The following B3GALNT2 variants were observed in gnomAD, a reference collection of about 807,000 sequenced individuals.
B3GALNT2 encodes UDP-GalNAc:beta-1,3-N-acetylgalactosaminyltransferase 2.
A neutral mutation model predicts 61.1 loss-of-function variants in B3GALNT2; 53 were observed. The observed-to-expected ratio is 0.87, with a 90% CI of 0.70 to 1.09. The LOEUF is 1.09. Among genes scored for constraint, B3GALNT2 ranks in the 50% least tolerant of loss-of-function variants. The pLI, the probability that B3GALNT2 is intolerant of heterozygous loss-of-function variation, is 0.00. For synonymous variants in B3GALNT2, 223 were observed against 237.4 expected (o/e 0.94, Z 0.56); for missense variants, 544 against 623.0 (o/e 0.87, Z 1.35).
At chr1:235,475,829 T>C (rs753246244) in intron 5 of B3GALNT2, among the ~76,000 whole-genome samples, 2 of 152,200 alleles carry the variant, frequency 1.3e-5, no homozygotes, top group East Asian at 3.9e-4. Flanking sequence ...TATTAAATAA[T>C]TGCTTGCTTT....
intron 5 of B3GALNT2, among the ~76,000 whole-genome samples, chr1:235,474,950 CATATATATATATATATATATAT>C (rs1159752267): frequency 7.6e-5 from 3 of 39,358 alleles, no homozygotes; most frequent in South Asian, 2.5e-3. Context: ...AAATTAGAGA[CATATATATATATATATATATAT>C]ATATATATAT....
intron 5 of B3GALNT2, chr1:235,478,908 C>A (rs186027945): frequency 1.3e-5 from 2 of 152,036 alleles, no homozygotes; most frequent in Non-Finnish European, 2.9e-5. Context: ...CCTTTTTTTC[C>A]ACCCCTGTTT....
At chr1:235,489,578 T>TA (rs547365649) in intron 2 of B3GALNT2, among the ~76,000 whole-genome samples, 108 of 152,332 alleles carry the variant, frequency 7.1e-4, no homozygotes, top group African/African-American at 2.4e-3. Context: ...CTCATGCCCA[T>TA]ACCTAAAAAC....
chr1:235,490,822 T>G (rs1369484844), intron 2 of B3GALNT2, among the ~76,000 whole-genome samples: 1 of 152,148 alleles, frequency 6.6e-6, no homozygotes, highest in Non-Finnish European at 1.5e-5. Flanking sequence ...TTATATTTAT[T>G]ACATCTACAT....
At chr1:235,461,580 T>C (rs1572495775) in intron 7 of B3GALNT2, among the ~76,000 whole-genome samples, 1 of 135,446 alleles carries the variant, frequency 7.4e-6, no homozygotes. Context: ...GCAGTAGCGC[T>C]ATCTCGGCTC....
At chr1:235,461,507 GTTTTTTTTTTTTT>G (rs57611133) in intron 7 of B3GALNT2, among the ~76,000 whole-genome samples, 5 of 63,352 alleles carry the variant, frequency 7.9e-5, no homozygotes, top group East Asian at 5.9e-4. Context: ...ATGACCTCCT[GTTTTTTTTTTTTT>G]TTTTTTTTTT....
intron 7 of B3GALNT2, among the ~76,000 whole-genome samples, chr1:235,460,116 T>TC (rs1683351495): frequency 6.8e-3 from 1 of 148 alleles, no homozygotes; most frequent in African/African-American, 0.028. Context: ...TTCTTTCCTC[T>TC]TTCTTTTTTG....
intron 2 of B3GALNT2, among the ~76,000 whole-genome samples, chr1:235,490,216 G>GA (rs1684998159): frequency 6.6e-6 from 1 of 152,050 alleles, no homozygotes; most frequent in South Asian, 2.1e-4. Flanking sequence ...AATGATTCCT[G>GA]AATTAGTAAC....
chr1:235,488,548 G>A (rs1403753624), intron 3 of B3GALNT2, among the ~76,000 whole-genome samples: 1 of 151,834 alleles, frequency 6.6e-6, no homozygotes, highest in Non-Finnish European at 1.5e-5. Flanking sequence ...CAGGCGCAGT[G>A]GTGGTAGCCT....
intron 5 of B3GALNT2, among the ~76,000 whole-genome samples, chr1:235,475,379 CAGTGAGCT>C (rs1006162030): frequency 4.6e-5 from 7 of 152,066 alleles, no homozygotes; most frequent in African/African-American, 1.7e-4. Flanking sequence ...ATTTATGCTT[CAGTGAGCT>C]ACACAATGAA....
chr1:235,453,716 C>T (rs1683037032), intron 10 of B3GALNT2, among the ~76,000 whole-genome samples: 1 of 152,050 alleles, frequency 6.6e-6, no homozygotes, highest in Non-Finnish European at 1.5e-5. Context: ...GAAAGTGCTA[C>T]AATTACAGGC....
chr1:235,461,953 C>G (rs1279758899), intron 7 of B3GALNT2, among the ~76,000 whole-genome samples: 4 of 152,200 alleles, frequency 2.6e-5, no homozygotes, highest in Non-Finnish European at 4.4e-5. Context: ...GATGTTCAAC[C>G]TTTATTATGG....
At chr1:235,480,190 T>G in intron 4 of B3GALNT2, 41 bp from the exon 5 acceptor site, 1 of 1,609,326 alleles carries the variant, frequency 6.2e-7, no homozygotes, top group Non-Finnish European at 8.5e-7. Flanking sequence ...ATACTTCATG[T>G]TATACATTGC....
chr1:235,498,672 C>T (rs1205193923), intron 1 of B3GALNT2, among the ~76,000 whole-genome samples: 3 of 151,822 alleles, frequency 2.0e-5, no homozygotes, highest in Non-Finnish European at 4.4e-5. Flanking sequence ...GAAACCTCAT[C>T]TCTATTAAAA....
At chr1:235,445,969 AACC>A (rs1433495431), downstream of B3GALNT2, among the ~76,000 whole-genome samples, 5 of 152,300 alleles carry the variant, frequency 3.3e-5, no homozygotes, top group East Asian at 7.7e-4. Flanking sequence ...TGGCTGCAAT[AACC>A]ACATGTGGCT....
At chr1:235,451,429 A>AT (rs1682890510) in intron 11 of B3GALNT2, 1 of 146,430 alleles carries the variant, frequency 6.8e-6, no homozygotes, top group African/African-American at 2.5e-5. Context: ...GTAGGAATGC[A>AT]TTTTAAATAG....
At chr1:235,474,983 A>T (rs1421057092) in intron 5 of B3GALNT2, among the ~76,000 whole-genome samples, 7,741 of 38,958 alleles carry the variant, frequency 0.2, 1,092 homozygotes, top group East Asian at 0.45. Context: ...ATATATATAT[A>T]TATATTTTTT....
At chr1:235,477,262 G>C (rs1020338248) in intron 5 of B3GALNT2, among the ~76,000 whole-genome samples, 1 of 152,016 alleles carries the variant, frequency 6.6e-6, no homozygotes, top group African/African-American at 2.4e-5. Context: ...CTCACCAACT[G>C]TTCACATTTT....
chr1:235,478,141 C>T (rs1429838628), intron 5 of B3GALNT2, among the ~76,000 whole-genome samples: 3 of 152,092 alleles, frequency 2.0e-5, no homozygotes, highest in African/African-American at 4.8e-5. Flanking sequence ...TGCAACCTGT[C>T]CCCCGGGTTC....
Sources: gnomAD v4.1 joint callset for allele counts (sites outside exome capture counted in the v4.1 genomes callset) on GRCh38, gnomAD v4.1.1 for gene constraint, MANE v1.5 for transcripts, NCBI Gene and HGNC (gene_info 2026-07-23, HGNC 2026-07-21) for gene names.